CIB4: variants seen among roughly 807,000 people sequenced by gnomAD.
CIB4 encodes calcium and integrin-binding family member 4.
CIB4 carries 25 observed loss-of-function variants against 25.8 expected under a neutral mutation model. That is an observed-to-expected ratio of 0.97 (90% confidence interval 0.71 to 1.35). CIB4 has a LOEUF of 1.35. Ranked by LOEUF, CIB4 falls within the 40% of genes most tolerant of loss-of-function variation. CIB4 has a pLI of 0.00. For synonymous variants in CIB4, 75 were observed against 81.4 expected (o/e 0.92, Z 0.42); for missense variants, 235 against 228.2 (o/e 1.03, Z -0.19).
In CIB4 at chr2:26,583,918, C is replaced by T. The variant is rs2148186606; in HGVS notation, c.329-20G>A. ...TAAAATCTGCAAAGAAGAGGCCAGG[C>T]CTGCATTAGACGGAGCTGGGGGCTA... On this transcript the variant is annotated intron_variant, in intron 4 of 6. Coordinates refer to ENST00000288861, the MANE Select transcript of CIB4 (RefSeq NM_001029881.3). The T allele has an allele frequency of 6.7e-7, 1 of 1,501,476 alleles. No individual in the cohort carries two copies. 93.0% of individuals were successfully genotyped at this position (1,501,476 alleles called of 1,614,324 possible).
chr2:26,623,569 G>A lies in CIB4; in HGVS notation c.186+5841C>T, dbSNP rs771761948. The A allele has an allele frequency of 2.3e-5, 11 of 471,258 alleles. No individual in the cohort carries two copies. The East Asian group carries it at 2.8e-4, about 12-fold the overall frequency. 29.2% of individuals were successfully genotyped at this position (471,258 alleles called of 1,614,324 possible). A position where few individuals can be genotyped will look rare whatever the true frequency, so the allele number is the denominator to read the frequency against. On this transcript the variant is annotated intron_variant, in intron 3 of 6. Transcript: ENST00000288861. ...AAACTTTGGGAGATACATAGAAACC[G>A]AGATGGAGCTGAAACCTTAGGGGCC...
At chr2:26,583,120 G>C (rs1430712588) in intron 5 of CIB4, among the ~76,000 whole-genome samples, 1 of 152,082 alleles carries the variant, frequency 6.6e-6, no homozygotes, top group Non-Finnish European at 1.5e-5. Context: ...TCACTCCTGG[G>C]GCCTCCAGCA....
chr2:26,635,229 T>A (rs1400363162), intron 2 of CIB4, among the ~76,000 whole-genome samples: 1 of 152,222 alleles, frequency 6.6e-6, no homozygotes, highest in Non-Finnish European at 1.5e-5. Context: ...AGACCTCTTC[T>A]TGGAGGGCCA....
At chr2:26,582,003 G>A (rs1479778443) in intron 6 of CIB4, among the ~76,000 whole-genome samples, 1 of 152,236 alleles carries the variant, frequency 6.6e-6, no homozygotes, top group Non-Finnish European at 1.5e-5. Context: ...ACAAAGCGGA[G>A]ACAGCTGGTG....
At chr2:26,607,432 T>C (rs192079190) in intron 3 of CIB4, among the ~76,000 whole-genome samples, 77 of 152,356 alleles carry the variant, frequency 5.1e-4, no homozygotes, top group Non-Finnish European at 1.1e-3. Context: ...TAGATAAATA[T>C]CTATCCACGT....
Position 26,581,341 on chromosome 2 carries a change from A to T in CIB4, c.*22T>A, listed in dbSNP as rs771333692. 2 of 1,608,814 alleles carry T rather than the reference A, an allele frequency of 1.2e-6. No homozygotes were observed. Among genetic ancestry groups the T allele is most frequent in the Admixed American group, 3.3e-5 (2 of 60,006 alleles). Reference sequence around the variant, plus strand: ...TCCTGTGGTCTCCCTCGAGGCTGCCATGTCAGGTGTTTGCCGCTACATCAG... The same window carrying T: ...TCCTGTGGTCTCCCTCGAGGCTGCCTTGTCAGGTGTTTGCCGCTACATCAG... On this transcript the variant is annotated 3_prime_UTR_variant, in exon 7 of 7. Transcript: ENST00000288861.
chr2:26,629,739 C>A (rs1012120654), intron 2 of CIB4, among the ~76,000 whole-genome samples: 2 of 152,178 alleles, frequency 1.3e-5, no homozygotes, highest in African/African-American at 4.8e-5. Context: ...CCAGGCACAC[C>A]ATAGAGGATG....
chr2:26,597,885 G>A (rs72817142), intron 3 of CIB4, among the ~76,000 whole-genome samples: 16,673 of 150,988 alleles, frequency 0.11, 1,011 homozygotes, highest in Middle Eastern at 0.17. Context: ...TCCTGAGCCT[G>A]TCCTGCCCTA....
intron 3 of CIB4, among the ~76,000 whole-genome samples, chr2:26,607,009 C>G (rs1305036448): frequency 1.3e-5 from 2 of 152,174 alleles, no homozygotes; most frequent in Non-Finnish European, 2.9e-5. Flanking sequence ...CCCACCAAAC[C>G]AGTCCTCCCC....
At chr2:26,597,438 A>C (rs189384182) in intron 3 of CIB4, among the ~76,000 whole-genome samples, 234 of 152,104 alleles carry the variant, frequency 1.5e-3, no homozygotes, top group African/African-American at 4.9e-3. Flanking sequence ...AAAAAAAAAA[A>C]AAACTGAACT....
At chr2:26,636,603 C>T (rs560627936) in intron 2 of CIB4, among the ~76,000 whole-genome samples, 3 of 152,222 alleles carry the variant, frequency 2.0e-5, no homozygotes, top group Non-Finnish European at 2.9e-5. Context: ...TTTGTTTCCC[C>T]GATCCTGGGT....
At chr2:26,637,519 C>A (rs1669556460) in intron 2 of CIB4, among the ~76,000 whole-genome samples, 1 of 152,008 alleles carries the variant, frequency 6.6e-6, no homozygotes, top group African/African-American at 2.4e-5. Context: ...TAACTGGAAG[C>A]CCCCTGAACT....
At chr2:26,601,660 A>C (rs1668791360) in intron 3 of CIB4, among the ~76,000 whole-genome samples, 1 of 152,178 alleles carries the variant, frequency 6.6e-6, no homozygotes, top group African/African-American at 2.4e-5. Context: ...GAAGACTCAT[A>C]AATTGGAGTA....
At chr2:26,595,396 A>C in intron 3 of CIB4, 79 bp from the exon 4 acceptor site, 1 of 1,477,084 alleles carries the variant, frequency 6.8e-7, no homozygotes, top group Admixed American at 1.8e-5. Flanking sequence ...CATCTATTAC[A>C]AACACTGTGT....
At chr2:26,596,360 C>T (rs573964083) in intron 3 of CIB4, among the ~76,000 whole-genome samples, 1 of 152,142 alleles carries the variant, frequency 6.6e-6, no homozygotes, top group Admixed American at 6.5e-5. Flanking sequence ...GATTTCCTGC[C>T]GGGTACTGCA....
At chr2:26,615,288 G>C (rs1301270705) in intron 3 of CIB4, among the ~76,000 whole-genome samples, 1 of 152,192 alleles carries the variant, frequency 6.6e-6, no homozygotes, top group East Asian at 1.9e-4. Flanking sequence ...GCATGAAACA[G>C]GAGTCGAACA....
chr2:26,611,721 AC>A (rs1451492876), intron 3 of CIB4, among the ~76,000 whole-genome samples: 3 of 152,152 alleles, frequency 2.0e-5, no homozygotes, highest in Non-Finnish European at 2.9e-5. Flanking sequence ...AAATAAATAA[AC>A]CCCTGGAAAG....
chr2:26,589,133 TCTTCTTCTCCTTCCC>T (rs1558555226), intron 4 of CIB4, among the ~76,000 whole-genome samples: 1 of 131,040 alleles, frequency 7.6e-6, no homozygotes, highest in Admixed American at 7.6e-5. Flanking sequence ...TTCTTCTTCT[TCTTCTTCTCCTTCCC>T]CTTCCCCTTC....
intron 2 of CIB4, among the ~76,000 whole-genome samples, chr2:26,635,082 A>C (rs1225097250): frequency 6.6e-6 from 1 of 152,270 alleles, no homozygotes; most frequent in Non-Finnish European, 1.5e-5. Flanking sequence ...TCTCGGGAAA[A>C]GGCTTCTTCT....
Sources: allele counts gnomAD v4.1 joint callset (sites outside exome capture counted in the v4.1 genomes callset), GRCh38; gene constraint gnomAD v4.1.1; transcripts MANE v1.5; gene names NCBI Gene and HGNC (gene_info 2026-07-23, HGNC 2026-07-21).